Variants in PAFAH1B1 observed in about 807,000 individuals in gnomAD.
PAFAH1B1 encodes platelet activating factor acetylhydrolase 1b regulatory subunit 1, also known as platelet-activating factor acetylhydrolase IB subunit beta.
A neutral mutation model predicts 57.5 loss-of-function variants in PAFAH1B1; 2 were observed. The ratio of observed to expected loss-of-function variants is 0.03; its 90% confidence interval spans 0.01 to 0.11. The LOEUF (loss-of-function observed/expected upper bound fraction) is 0.11, where lower values mean the gene tolerates loss of function less well. Ranked by LOEUF, PAFAH1B1 falls within the 10% of genes least tolerant of loss-of-function variation. The pLI is 1.00. For missense variants in PAFAH1B1, 257 were observed against 512.0 expected (o/e 0.50, Z 4.81); for synonymous variants, 152 against 169.6 (o/e 0.90, Z 0.81).
At chr17:2,679,769 G>T (rs914869641) in intron 9 of PAFAH1B1, 21 of 241,292 alleles carry the variant, frequency 8.7e-5, no homozygotes, top group African/African-American at 4.1e-4. Flanking sequence ...AATCATTTGA[G>T]CGTTCTTTGC....
At chr17:2,644,875 T>G (rs2068745760) in intron 2 of PAFAH1B1, among the ~76,000 whole-genome samples, 1 of 152,132 alleles carries the variant, frequency 6.6e-6, no homozygotes, top group Non-Finnish European at 1.5e-5. Context: ...AGCTTTTAAT[T>G]TGAATAAAAA....
chr17:2,654,074 T>C (rs1234849047), intron 2 of PAFAH1B1, among the ~76,000 whole-genome samples: 2 of 152,180 alleles, frequency 1.3e-5, no homozygotes, highest in Admixed American at 6.5e-5. Context: ...CCAAAAGTGC[T>C]GGGATTACAG....
intron 1 of PAFAH1B1, among the ~76,000 whole-genome samples, chr17:2,621,937 G>A (rs1416867686): frequency 6.6e-6 from 1 of 152,022 alleles, no homozygotes; most frequent in African/African-American, 2.4e-5. Flanking sequence ...ATGGCAGGAG[G>A]CGAAAGGCAC....
At chr17:2,628,963 T>C (rs2068524514) in intron 1 of PAFAH1B1, among the ~76,000 whole-genome samples, 1 of 152,218 alleles carries the variant, frequency 6.6e-6, no homozygotes, top group South Asian at 2.1e-4. Flanking sequence ...AGTGAGGTTA[T>C]TTGGATTTTC....
intron 2 of PAFAH1B1, among the ~76,000 whole-genome samples, chr17:2,644,076 C>A (rs2068734470): frequency 6.6e-6 from 1 of 151,640 alleles, no homozygotes; most frequent in Admixed American, 6.6e-5. Flanking sequence ...TGAAGTCTTG[C>A]TATGTTGCCC....
chr17:2,674,024 G>A lies in PAFAH1B1; in HGVS notation c.672-36G>A, dbSNP rs781225651. 7.0e-6 allele frequency: 10 copies of A among 1,435,916 alleles called. No individual in the cohort carries two copies. In the Admixed American group the frequency reaches 1.3e-4, roughly 19 times the overall value. The allele number at this position is 1,435,916 out of a possible 1,614,324, so 88.9% of individuals were successfully genotyped here. A position where few individuals can be genotyped will look rare whatever the true frequency, so the allele number is the denominator to read the frequency against. ...ACTTCTGGGAAGTGTCCTGATGATT[G>A]TCATTCACAGTGTAAGTTATTATTT... On this transcript the variant is annotated intron_variant, in intron 7 of 10. Coordinates refer to ENST00000397195, the MANE Select transcript of PAFAH1B1 (RefSeq NM_000430.4).
At chr17:2,633,515 A>C (rs1329205019) in intron 1 of PAFAH1B1, among the ~76,000 whole-genome samples, 1 of 151,494 alleles carries the variant, frequency 6.6e-6, no homozygotes, top group East Asian at 1.9e-4. Flanking sequence ...TACCTAGACT[A>C]TCAGGATTTA....
intron 7 of PAFAH1B1, among the ~76,000 whole-genome samples, chr17:2,673,100 A>G (rs940655025): frequency 2.0e-5 from 3 of 152,170 alleles, no homozygotes; most frequent in African/African-American, 4.8e-5. Context: ...GCTTAAAGAC[A>G]TATTTATAAA....
intron 1 of PAFAH1B1, among the ~76,000 whole-genome samples, chr17:2,610,190 C>G (rs1004504731): frequency 2.0e-5 from 3 of 152,208 alleles, no homozygotes; most frequent in Non-Finnish European, 4.4e-5. Flanking sequence ...TTCTAGCCGA[C>G]TCAGACTTTC....
At chr17:2,680,126 T>C (rs1030837700) in intron 9 of PAFAH1B1, 38 bp from the exon 10 acceptor site, 1 of 1,588,552 alleles carries the variant, frequency 6.3e-7, no homozygotes, top group Non-Finnish European at 8.6e-7. Context: ...TTAAACATTT[T>C]GCCTTTTACT....
chr17:2,648,942 T>C (rs1461902763), intron 2 of PAFAH1B1, among the ~76,000 whole-genome samples: 2 of 151,976 alleles, frequency 1.3e-5, no homozygotes, highest in Non-Finnish European at 2.9e-5. Context: ...AGATTCCAGC[T>C]CATGTAGTAA....
intron 2 of PAFAH1B1, among the ~76,000 whole-genome samples, chr17:2,643,991 T>C (rs1021993712): frequency 6.6e-6 from 1 of 152,134 alleles, no homozygotes; most frequent in Admixed American, 6.5e-5. Context: ...ACGTCAGTCT[T>C]CTGAGCAGCT....
chr17:2,645,256 C>G (rs1166879365), intron 2 of PAFAH1B1, among the ~76,000 whole-genome samples: 1 of 151,958 alleles, frequency 6.6e-6, no homozygotes. Flanking sequence ...AAAACAAAAA[C>G]AAAAGTGTTC....
At chr17:2,659,656 C>A (rs1175796688) in intron 2 of PAFAH1B1, among the ~76,000 whole-genome samples, 2 of 150,890 alleles carry the variant, frequency 1.3e-5, no homozygotes, top group East Asian at 2.0e-4. Flanking sequence ...CACAGTGAAA[C>A]CCCGTCTCCA....
At position 2,654,899 on chromosome 17, in the gene PAFAH1B1, C is replaced by G. The variant is rs529745127; in HGVS notation, c.33-10473C>G. On this transcript the variant is annotated intron_variant, in intron 2 of 10. Transcript: ENST00000397195. ...TCAAGCAGTCTGCCTGCCTCAGCCT[C>G]TCGAAGTGCTGGAATTACAGGTGTG... is the stretch of plus-strand genomic sequence containing the variant. Among the ~76,000 whole-genome samples, 9 of 151,772 alleles carry G rather than the reference C, an allele frequency of 5.9e-5. No individual in the cohort carries two copies. The South Asian group carries it at 1.9e-3, about 32-fold the overall frequency.
intron 2 of PAFAH1B1, among the ~76,000 whole-genome samples, chr17:2,649,094 C>A (rs994624494): frequency 1.3e-5 from 2 of 151,420 alleles, no homozygotes; most frequent in African/African-American, 4.9e-5. Flanking sequence ...ACCTGTAACC[C>A]GAGCACTTTG....
At chr17:2,605,981 C>T (rs2068200756) in intron 1 of PAFAH1B1, among the ~76,000 whole-genome samples, 1 of 152,088 alleles carries the variant, frequency 6.6e-6, no homozygotes, top group Non-Finnish European at 1.5e-5. Context: ...TTTTACTTTG[C>T]TTATGTATAT....
Position 2,605,543 on chromosome 17 carries a change from T to C in PAFAH1B1, c.-191+11537T>C, listed in dbSNP as rs768813454. ...TCCTGGCTTTTCATCCTGTTTCTTATTGCCTTCCATGTCTACTGTGATTCA... is the reference window on the plus strand; with the variant it reads ...TCCTGGCTTTTCATCCTGTTTCTTACTGCCTTCCATGTCTACTGTGATTCA... On this transcript the variant is annotated intron_variant, in intron 1 of 10. Transcript: ENST00000397195. 2.2e-4 allele frequency among the ~76,000 whole-genome samples: 33 copies of C among 152,344 alleles called. 2 individuals are homozygous for C. Among genetic ancestry groups the C allele is most frequent in the Admixed American group, 1.7e-3 (26 of 15,290 alleles).
intron 2 of PAFAH1B1, chr17:2,640,767 A>G (rs1172155490): frequency 1.3e-5 from 2 of 152,128 alleles, no homozygotes; most frequent in African/African-American, 2.4e-5. Flanking sequence ...CAGGTTACGC[A>G]TTCTTGGCCA....
Sources: allele counts gnomAD v4.1 joint callset (sites outside exome capture counted in the v4.1 genomes callset), GRCh38; gene constraint gnomAD v4.1.1; transcripts MANE v1.5; gene names NCBI Gene and HGNC (gene_info 2026-07-23, HGNC 2026-07-21).